The following METTL23 variants were observed in gnomAD, a reference collection of about 807,000 sequenced individuals.
METTL23 encodes methyltransferase 23, arginine.
In METTL23, 24 loss-of-function variants were observed where a neutral mutation model predicts 21.2. The observed-to-expected ratio is 1.13, with a 90% CI of 0.82 to 1.59. The LOEUF is 1.59. Ranked by LOEUF, METTL23 falls within the 40% of genes most tolerant of loss-of-function variation. The pLI is 0.00. For missense variants in METTL23, 276 were observed against 221.4 expected (o/e 1.25, Z -1.57); for synonymous variants, 97 against 75.2 (o/e 1.29, Z -1.50).
Position 76,733,147 on chromosome 17 carries a change from C to G in METTL23, c.254C>G (p.Ser85Cys). The G allele has an allele frequency of 6.2e-7, 1 of 1,613,912 alleles. No homozygotes were observed. Among genetic ancestry groups the G allele is most frequent in the Non-Finnish European group, 8.5e-7 (1 of 1,179,862 alleles). Residue 85 changes from serine to cysteine, a missense_variant, in exon 3 of 5, where the codon TCT becomes TGT. Coordinates refer to ENST00000341249, the MANE Select transcript of METTL23 (RefSeq NM_001080510.5). ...QVVGLTWGHI[S>C]WDLLALPPQD... ...GTAGGACTAACATGGGGTCATATAT[C>G]TTGGGATCTTCTGGCTCTACCACCA...
rs547438637 is a variant in METTL23 at position 76,726,964 on chromosome 17, C to G, written c.-236C>G. On this transcript the variant is annotated 5_prime_UTR_variant, in exon 1 of 5. Transcript: ENST00000341249. ...CAGATCTGGGCTTTCCCCTTCTTGC[C>G]GTCAGGTGCTACGGCCACGTGGCCC... 9 of 456,712 alleles carry G rather than the reference C, an allele frequency of 2.0e-5. No individual in the cohort carries two copies. Among genetic ancestry groups the G allele is most frequent in the South Asian group, 1.1e-4 (7 of 64,566 alleles). 28.3% of individuals were successfully genotyped at this position (456,712 alleles called of 1,614,324 possible). A position where few individuals can be genotyped will look rare whatever the true frequency, so the allele number is the denominator to read the frequency against.
chr17:76,732,976 A>C lies in METTL23; in HGVS notation c.85-2A>C. 1 of 1,563,020 alleles carries C rather than the reference A, an allele frequency of 6.4e-7. No individual in the cohort carries two copies. The highest frequency in any genetic ancestry group is 8.7e-7 in the Non-Finnish European group (1 of 1,151,838). On this transcript the variant is annotated splice_acceptor_variant, in intron 2 of 4. Coordinates refer to ENST00000341249, the MANE Select transcript of METTL23 (RefSeq NM_001080510.5). LOFTEE classifies it high-confidence loss of function. ...GAAATGCCATCTTTCATAACTTATT[A>C]GATTGGAGCTGGAGTGAGCCTTCCA...
intron 1 of METTL23, among the ~76,000 whole-genome samples, chr17:76,727,755 C>T (rs553885776): frequency 1.8e-4 from 28 of 152,288 alleles, no homozygotes; most frequent in Admixed American, 2.0e-4. Flanking sequence ...TTTTGAGACA[C>T]TGTCTCGCTC....
chr17:76,732,822 TAG>T, intron 2 of METTL23, 154 bp from the exon 3 acceptor site: 1 of 646,124 alleles, frequency 1.5e-6, no homozygotes, highest in East Asian at 2.7e-5. Flanking sequence ...GTCATGTTTA[TAG>T]TAATGTTCAG....
intron 2 of METTL23, among the ~76,000 whole-genome samples, chr17:76,731,348 T>C (rs1047845633): frequency 1.3e-5 from 2 of 152,222 alleles, no homozygotes; most frequent in Non-Finnish European, 2.9e-5. Context: ...ACAGGTTCAG[T>C]GTCTGGTGAG....
upstream of METTL23, chr17:76,726,567 G>A (rs371235798): frequency 5.5e-6 from 8 of 1,464,938 alleles, no homozygotes; most frequent in Non-Finnish European, 1.8e-6. Context: ...CGGCGGCGAC[G>A]GCAGTACCCA....
chr17:76,730,973 C>T (rs999934176), intron 2 of METTL23, among the ~76,000 whole-genome samples: 2 of 152,188 alleles, frequency 1.3e-5, no homozygotes, highest in Non-Finnish European at 2.9e-5. Context: ...GGCCTGGTGG[C>T]GGGCGCCTGT....
upstream of METTL23, chr17:76,726,734 C>T (rs1232760009): frequency 5.9e-6 from 3 of 507,982 alleles, no homozygotes; most frequent in East Asian, 3.7e-5. Context: ...CTGGGGTACT[C>T]CTTCACATAC....
chr17:76,727,332 C>T (rs913488179), intron 1 of METTL23, 154 bp downstream of exon 1: 6 of 338,134 alleles, frequency 1.8e-5, no homozygotes, highest in South Asian at 6.8e-5. Context: ...GGATATGAAG[C>T]CCTTCGGTGC....
Position 76,733,710 on chromosome 17 carries a change from G to A in METTL23, c.*24G>A, listed in dbSNP as rs140015719. ...GAATTATACCTACAACCTGTTCTGG[G>A]ACAGTATCAATACTGATGAGCAACC... On this transcript the variant is annotated 3_prime_UTR_variant, in exon 5 of 5. Transcript: ENST00000341249. 1.2e-4 allele frequency: 199 copies of A among 1,603,382 alleles called. 1 individual carries two copies. The African/African-American group carries it at 2.1e-3, about 17-fold the overall frequency.
At position 76,729,762 on chromosome 17, in the gene METTL23, A is replaced by G. The variant is rs1198395077; in HGVS notation, c.52A>G (p.Arg18Gly). 3 of 1,598,026 alleles carry G rather than the reference A, an allele frequency of 1.9e-6. No homozygotes were observed. Among genetic ancestry groups the G allele is most frequent in the Admixed American group, 3.5e-5 (2 of 57,906 alleles). ...CCTGGCCCAGTACCTTTGGTTTCAC[A>G]GAAGATCTCTGCCAGGCAAGGCCAT... ...VVLAQYLWFH[R>G]RSLPGKAILE... Residue 18 changes from arginine to glycine, a missense_variant, in exon 2 of 5, where the codon AGA becomes GGA. Coordinates refer to ENST00000341249, the MANE Select transcript of METTL23 (RefSeq NM_001080510.5).
intron 1 of METTL23, 115 bp downstream of exon 1, chr17:76,727,293 T>G (rs1384901042): frequency 2.9e-6 from 1 of 343,722 alleles, no homozygotes; most frequent in Non-Finnish European, 5.8e-6. Context: ...AGCTTCCTGC[T>G]TTAGGTTGAC....
rs1158596691 is a variant in METTL23 at position 76,727,182 on chromosome 17, C to T, written c.-22+4C>T. 2.5e-6 allele frequency: 1 copy of T among 405,988 alleles called. No individual in the cohort carries two copies. The highest frequency in any genetic ancestry group is 5.0e-6 in the Non-Finnish European group (1 of 200,858). The allele number at this position is 405,988 out of a possible 1,614,324, so 25.1% of individuals were successfully genotyped here. ...CCTGGAGGTCCACGTCCCGCAGGTG[C>T]GTGCAGCAGCACCCGCCAGGAGGCG... On this transcript the variant is annotated splice_donor_region_variant and intron_variant, in intron 1 of 4. Coordinates refer to ENST00000341249, the MANE Select transcript of METTL23 (RefSeq NM_001080510.5).
intron 1 of METTL23, among the ~76,000 whole-genome samples, chr17:76,727,768 G>A (rs955548665): frequency 9.2e-5 from 14 of 152,080 alleles, no homozygotes; most frequent in Non-Finnish European, 1.8e-4. Flanking sequence ...TCTCGCTCTG[G>A]CGCCCAGGCT....
intron 2 of METTL23, among the ~76,000 whole-genome samples, chr17:76,730,546 C>G (rs1303788710): frequency 1.3e-5 from 2 of 152,252 alleles, no homozygotes; most frequent in Non-Finnish European, 2.9e-5. Context: ...AGCCCCTGAA[C>G]TGCCTTCCAC....
At chr17:76,732,833 AGT>A (rs1426622645) in intron 2 of METTL23, 143 bp from the exon 3 acceptor site, 1 of 668,636 alleles carries the variant, frequency 1.5e-6, no homozygotes, top group African/African-American at 1.8e-5. Flanking sequence ...AGTAATGTTC[AGT>A]TACGGTACAT....
Position 76,727,123 on chromosome 17 carries a change from C to T in METTL23, c.-77C>T, listed in dbSNP as rs1414233927. ...GTCCGGGCCCAGCGCTTTCGATTCTCGGAGGAGCCGGGTCCGGGGGCCGAC... is the reference window on the plus strand; with the variant it reads ...GTCCGGGCCCAGCGCTTTCGATTCTTGGAGGAGCCGGGTCCGGGGGCCGAC... On this transcript the variant is annotated 5_prime_UTR_variant, in exon 1 of 5. Transcript: ENST00000341249. 11 of 452,242 alleles carry T rather than the reference C, an allele frequency of 2.4e-5. No homozygotes were observed. The highest frequency in any genetic ancestry group is 1.7e-4 in the South Asian group (11 of 64,364). 28.0% of individuals were successfully genotyped at this position (452,242 alleles called of 1,614,324 possible). A position where few individuals can be genotyped will look rare whatever the true frequency, so the allele number is the denominator to read the frequency against.
intron 1 of METTL23, among the ~76,000 whole-genome samples, chr17:76,728,255 G>T (rs1446216594): frequency 7.0e-6 from 1 of 142,108 alleles, no homozygotes; most frequent in Admixed American, 6.8e-5. Flanking sequence ...AAAAAAAAAA[G>T]ACTGGAGTGG....
intron 1 of METTL23, among the ~76,000 whole-genome samples, chr17:76,728,028 C>T (rs1250629123): frequency 6.6e-6 from 1 of 152,140 alleles, no homozygotes; most frequent in Non-Finnish European, 1.5e-5. Flanking sequence ...TCGCTTGGGA[C>T]CAGGAGTTCC....
Sources: gnomAD v4.1 joint callset for allele counts (sites outside exome capture counted in the v4.1 genomes callset) on GRCh38, gnomAD v4.1.1 for gene constraint, MANE v1.5 for transcripts, NCBI Gene and HGNC (gene_info 2026-07-23, HGNC 2026-07-21) for gene names.